The following C1GALT1 variants were observed in gnomAD, a reference collection of about 807,000 sequenced individuals.
C1GALT1 encodes the protein core 1 synthase, glycoprotein-N-acetylgalactosamine 3-beta-galactosyltransferase 1, also known as glycoprotein-N-acetylgalactosamine 3-beta-galactosyltransferase 1.
C1GALT1 carries 11 observed loss-of-function variants against 31.0 expected under a neutral mutation model. That is an observed-to-expected ratio of 0.36 (90% CI 0.22 to 0.59). C1GALT1 has a LOEUF of 0.59. C1GALT1 is among the 20% of genes least tolerant of loss of function. C1GALT1 has a pLI of 0.79. For synonymous variants in C1GALT1, 175 were observed against 143.6 expected (o/e 1.22, Z -1.56); for missense variants, 424 against 425.2 (o/e 1.00, Z 0.03).
intron 1 of C1GALT1, among the ~76,000 whole-genome samples, chr7:7,200,299 A>C (rs1781480048): frequency 2.0e-5 from 3 of 152,148 alleles, no homozygotes; most frequent in Non-Finnish European, 2.9e-5. Context: ...TTCACTTATG[A>C]AGCTTAGTTT....
chr7:7,182,770 C>T lies in C1GALT1; in HGVS notation c.-68C>T. Reference sequence around the variant, plus strand: ...GCAAAGGTCACCAGTCCCAAGTCGTCCCCCTCTCCGCCCCCCAGGAGGGGC... The same window carrying T: ...GCAAAGGTCACCAGTCCCAAGTCGTTCCCCTCTCCGCCCCCCAGGAGGGGC... On this transcript the variant is annotated 5_prime_UTR_variant, in exon 1 of 4. Coordinates refer to ENST00000436587, the MANE Select transcript of C1GALT1 (RefSeq NM_020156.5). The T allele has an allele frequency of 1.0e-6, 1 of 985,084 alleles. No homozygotes were observed. Among genetic ancestry groups the T allele is most frequent in the Non-Finnish European group, 1.2e-6 (1 of 829,588 alleles). 61.0% of individuals were successfully genotyped at this position (985,084 alleles called of 1,614,324 possible).
At position 7,199,201 on chromosome 7, in the gene C1GALT1, G is replaced by T. The variant is rs539278250; in HGVS notation, c.-18+16381G>T. Among the ~76,000 whole-genome samples, 195 of 152,248 alleles carry T rather than the reference G, an allele frequency of 1.3e-3. 3 individuals carry two copies. Among genetic ancestry groups the T allele is most frequent in the Non-Finnish European group, 3.7e-4 (25 of 68,026 alleles). ...TGCTATAAATTTCCCTCTACACACT[G>T]CTTTAAATGTGTCCCAGAGATTCTG... On this transcript the variant is annotated intron_variant, in intron 1 of 3. Coordinates refer to ENST00000436587, the MANE Select transcript of C1GALT1 (RefSeq NM_020156.5).
At chr7:7,203,868 A>AT (rs2128236495) in intron 1 of C1GALT1, among the ~76,000 whole-genome samples, 1 of 152,160 alleles carries the variant, frequency 6.6e-6, no homozygotes, top group South Asian at 2.1e-4. Flanking sequence ...ATTATTGTTA[A>AT]TTATAGTCAT....
intron 3 of C1GALT1, 135 bp downstream of exon 3, chr7:7,239,057 A>G (rs994629196): frequency 2.8e-6 from 2 of 713,000 alleles, no homozygotes; most frequent in African/African-American, 3.6e-5. Context: ...ATAGAGTGGC[A>G]GTATAACAAA....
chr7:7,218,679 C>G (rs74695905), intron 1 of C1GALT1, among the ~76,000 whole-genome samples: 15 of 152,094 alleles, frequency 9.9e-5, no homozygotes, highest in African/African-American at 3.4e-4. Flanking sequence ...AGAGTTTACA[C>G]TGAAACAGTA....
chr7:7,191,055 T>C lies in C1GALT1; in HGVS notation c.-18+8235T>C, dbSNP rs921374251. On this transcript the variant is annotated intron_variant, in intron 1 of 3. Coordinates refer to ENST00000436587, the MANE Select transcript of C1GALT1 (RefSeq NM_020156.5). ...ATCAGTGGTATTAACTACATTTATA[T>C]TGTTGTGCAACCATCACCGCTGTTT... Among the ~76,000 whole-genome samples, 10 of 152,132 alleles carry C rather than the reference T, an allele frequency of 6.6e-5. 1 individual carries two copies. Among genetic ancestry groups the C allele is most frequent in the Non-Finnish European group, 1.3e-4 (9 of 67,998 alleles).
intron 2 of C1GALT1, among the ~76,000 whole-genome samples, chr7:7,177,442 T>TTA (rs1319073480): frequency 6.6e-6 from 1 of 152,122 alleles, no homozygotes; most frequent in Non-Finnish European, 1.5e-5. Flanking sequence ...AAATAACCGG[T>TTA]TATATATATG....
At chr7:7,197,401 ATC>A (rs1216433575) in intron 1 of C1GALT1, among the ~76,000 whole-genome samples, 1 of 151,916 alleles carries the variant, frequency 6.6e-6, no homozygotes, top group Non-Finnish European at 1.5e-5. Flanking sequence ...ATTGGTCTGT[ATC>A]TCTGTTTTTG....
chr7:7,203,457 T>C (rs551220835), intron 1 of C1GALT1, among the ~76,000 whole-genome samples: 1 of 151,194 alleles, frequency 6.6e-6, no homozygotes. Context: ...CCATGTAGGG[T>C]TTTTTTTTCC....
intron 1 of C1GALT1, among the ~76,000 whole-genome samples, chr7:7,190,798 G>T (rs189952206): frequency 6.6e-6 from 1 of 151,988 alleles, no homozygotes; most frequent in African/African-American, 2.4e-5. Flanking sequence ...CCCCTTTCCA[G>T]AATTTCCCAG....
intron 1 of C1GALT1, chr7:7,183,583 C>T (rs1406380584): frequency 1.0e-6 from 1 of 984,852 alleles, no homozygotes; most frequent in Non-Finnish European, 1.2e-6. Flanking sequence ...TGTCCATTTG[C>T]TTTGAATTTG....
rs573545220 is a variant in C1GALT1 at position 7,219,514 on chromosome 7, A to G, written c.-17-14789A>G. On this transcript the variant is annotated intron_variant, in intron 1 of 3. Coordinates refer to ENST00000436587, the MANE Select transcript of C1GALT1 (RefSeq NM_020156.5). ...TGAATCTAAAACTACTCTGAAAAAA[A>G]TAAAGCCTTAAAAATTTTTCAGTTT... Among the ~76,000 whole-genome samples, 64 of 152,288 alleles carry G rather than the reference A, an allele frequency of 4.2e-4. 1 individual carries two copies. The South Asian group carries it at 0.012, about 28-fold the overall frequency.
chr7:7,247,133 C>T lies in C1GALT1; in HGVS notation c.*3406C>T, dbSNP rs1783879985. On this transcript the variant is annotated 3_prime_UTR_variant, in exon 4 of 4. Transcript: ENST00000436587. ...TGAAGTAGTAAATGCTGTTTTATAA[C>T]ATACATTTTTCTGCTAATTCATTCT... The T allele has an allele frequency of 6.6e-6, 1 of 152,106 alleles. No homozygotes were observed. The highest frequency in any genetic ancestry group is 1.5e-5 in the Non-Finnish European group (1 of 67,984). 9.4% of individuals were successfully genotyped at this position (152,106 alleles called of 1,614,324 possible). A position where few individuals can be genotyped will look rare whatever the true frequency, so the allele number is the denominator to read the frequency against.
intron 1 of C1GALT1, among the ~76,000 whole-genome samples, chr7:7,196,064 A>T (rs1287023543): frequency 6.6e-6 from 1 of 151,546 alleles, no homozygotes; most frequent in East Asian, 1.9e-4. Context: ...TTGTAATTTA[A>T]TTTTATTTTT....
rs564240044 is a variant in C1GALT1, at chr7:7,188,383, G to C, written c.-18+5563G>C. Among the ~76,000 whole-genome samples, 18 of 152,280 alleles carry C rather than the reference G, an allele frequency of 1.2e-4. No homozygotes were observed. The South Asian group carries it at 3.7e-3, about 32-fold the overall frequency. On this transcript the variant is annotated intron_variant, in intron 1 of 3. Coordinates refer to ENST00000436587, the MANE Select transcript of C1GALT1 (RefSeq NM_020156.5). Reference sequence around the variant, plus strand: ...ATGGTCCAGGTGGAAGTATTTAGCAGGCATTTGTGTATGTGAATCTGAAAC... The same window carrying C: ...ATGGTCCAGGTGGAAGTATTTAGCACGCATTTGTGTATGTGAATCTGAAAC...
At chr7:7,233,208 A>G (rs1783170546) in intron 1 of C1GALT1, among the ~76,000 whole-genome samples, 1 of 152,122 alleles carries the variant, frequency 6.6e-6, no homozygotes, top group East Asian at 1.9e-4. Flanking sequence ...AATCTCGTTA[A>G]TATTATAGAT....
intron 3 of C1GALT1, among the ~76,000 whole-genome samples, chr7:7,240,804 A>C (rs778222012): frequency 2.0e-5 from 3 of 152,048 alleles, no homozygotes; most frequent in Non-Finnish European, 4.4e-5. Context: ...GTGAAACTAA[A>C]ATTCTATTAT....
chr7:7,210,935 A>G (rs890871048), intron 1 of C1GALT1, among the ~76,000 whole-genome samples: 32 of 152,332 alleles, frequency 2.1e-4, no homozygotes, highest in African/African-American at 7.5e-4. Flanking sequence ...TTCTCTGCCT[A>G]AAATAATTTC....
intron 3 of C1GALT1, 170 bp downstream of exon 3, chr7:7,239,092 A>T: frequency 1.7e-6 from 1 of 601,888 alleles, no homozygotes; most frequent in Non-Finnish European, 2.9e-6. Flanking sequence ...GGACATCAGC[A>T]ATCAGCAGTA....
Sources: allele counts gnomAD v4.1 joint callset (sites outside exome capture counted in the v4.1 genomes callset), GRCh38; gene constraint gnomAD v4.1.1; transcripts MANE v1.5; gene names NCBI Gene and HGNC (gene_info 2026-07-23, HGNC 2026-07-21).